The following MCOLN2 variants were observed in gnomAD, a reference collection of about 807,000 sequenced individuals.
The protein encoded by MCOLN2 is mucolipin TRP cation channel 2.
Under a neutral mutation model 67.5 loss-of-function variants are expected in MCOLN2, and 57 were observed. The ratio of observed to expected loss-of-function variants is 0.84; its 90% CI spans 0.68 to 1.05. The LOEUF (loss-of-function observed/expected upper bound fraction) is 1.05. Among genes scored for constraint, MCOLN2 ranks in the 50% least tolerant of loss-of-function variants. MCOLN2 has a pLI of 0.00. For missense variants in MCOLN2, 620 were observed against 678.8 expected (o/e 0.91, Z 0.96); for synonymous variants, 246 against 233.3 (o/e 1.05, Z -0.50).
At chr1:84,931,749 G>A (rs1212681012) in intron 11 of MCOLN2, among the ~76,000 whole-genome samples, 181 bp from the exon 12 acceptor site, 1 of 152,118 alleles carries the variant, frequency 6.6e-6, no homozygotes, top group African/African-American at 2.4e-5. Context: ...CTCTGGGCCA[G>A]GCACAGTGGC....
At chr1:84,991,495 G>A (rs1650889559) in intron 1 of MCOLN2, among the ~76,000 whole-genome samples, 1 of 152,152 alleles carries the variant, frequency 6.6e-6, no homozygotes, top group South Asian at 2.1e-4. Flanking sequence ...TGTCAATTAA[G>A]TGAAGTTGAG....
At chr1:84,953,603 C>A (rs960562190) in intron 4 of MCOLN2, among the ~76,000 whole-genome samples, 18 of 149,510 alleles carry the variant, frequency 1.2e-4, no homozygotes, top group African/African-American at 4.2e-4. Context: ...GAAGGCTATA[C>A]AGGAAATATT....
chr1:84,950,586 A>C (rs1261430785), intron 6 of MCOLN2, among the ~76,000 whole-genome samples: 1 of 152,198 alleles, frequency 6.6e-6, no homozygotes, highest in Non-Finnish European at 1.5e-5. Context: ...CTACCTTATG[A>C]AATTTAAATC....
chr1:84,944,183 T>G (rs1355285225), intron 7 of MCOLN2, among the ~76,000 whole-genome samples: 7 of 152,190 alleles, frequency 4.6e-5, no homozygotes, highest in African/African-American at 1.7e-4. Context: ...TATAGGATTC[T>G]GTTTTTCTTT....
chr1:84,965,938 C>T (rs569749810), intron 1 of MCOLN2, among the ~76,000 whole-genome samples: 1 of 152,288 alleles, frequency 6.6e-6, no homozygotes, highest in South Asian at 2.1e-4. Flanking sequence ...CCTTTCCACA[C>T]AGCCACCCAT....
rs1340179921 is a variant in MCOLN2 at position 84,994,733 on chromosome 1, T to A, written c.77+2063A>T. Among the ~76,000 whole-genome samples, 9 of 152,314 alleles carry A rather than the reference T, an allele frequency of 5.9e-5. No homozygotes were observed. In the East Asian group the frequency reaches 1.7e-3, roughly 29 times the overall value. ...ACAAAAACTTTCTCCATAACAGCAA[T>A]AAGGCTGTTTTGCTTCCTTATCATT... On this transcript the variant is annotated intron_variant, in intron 1 of 13. Transcript: ENST00000370608.
chr1:84,956,201 A>G (rs1430514435), intron 4 of MCOLN2, among the ~76,000 whole-genome samples: 1 of 151,964 alleles, frequency 6.6e-6, no homozygotes, highest in Non-Finnish European at 1.5e-5. Context: ...CCAAACCAAC[A>G]ATCTTGAGTT....
chr1:84,947,109 G>C lies in MCOLN2; in HGVS notation c.771C>G (p.His257Gln). 6.3e-7 allele frequency: 1 copy of C among 1,587,426 alleles called. No individual in the cohort carries two copies. Among genetic ancestry groups the C allele is most frequent in the African/African-American group, 1.3e-5 (1 of 74,368 alleles). ...CAAAATAGATTTTGATTTTGCCACT[G>C]TGAGCTTTATTGTCAAAGATAATCT... ...QNTIIFDNKA[H>Q]SGKIKIYFDS... The change falls in exon 7 of 14, where the codon CAC becomes CAG. Residue 257 changes from histidine to glutamine, a missense_variant. By Grantham distance (24) the His-to-Gln change is conservative (BLOSUM62 0). Coordinates refer to ENST00000370608, the MANE Select transcript of MCOLN2 (RefSeq NM_153259.4).
In MCOLN2 at chr1:84,952,342, G is replaced by C; in HGVS notation, c.651-3C>G. On this transcript the variant is annotated splice_polypyrimidine_tract_variant and splice_region_variant and intron_variant, in intron 5 of 13. Transcript: ENST00000370608. ...AGGAGATTTCAACCTGTAAGAGCCT[G>C]AATAAAATATATTGAAAGGTATAAA... 6.2e-7 allele frequency: 1 copy of C among 1,608,508 alleles called. No individual in the cohort carries two copies. The highest frequency in any genetic ancestry group is 8.5e-7 in the Non-Finnish European group (1 of 1,175,346).
At chr1:84,986,552 A>G (rs1650515307) in intron 1 of MCOLN2, among the ~76,000 whole-genome samples, 1 of 151,114 alleles carries the variant, frequency 6.6e-6, no homozygotes, top group Non-Finnish European at 1.5e-5. Context: ...TCAAAAAAAA[A>G]AAAAAAAAAG....
chr1:84,949,808 G>A (rs1234766603), intron 6 of MCOLN2, among the ~76,000 whole-genome samples: 1 of 151,730 alleles, frequency 6.6e-6, no homozygotes, highest in Non-Finnish European at 1.5e-5. Flanking sequence ...CAACAAAACT[G>A]TCAGTCAAGA....
intron 6 of MCOLN2, among the ~76,000 whole-genome samples, chr1:84,947,848 C>A (rs1207115823): frequency 6.6e-6 from 1 of 152,240 alleles, no homozygotes; most frequent in Non-Finnish European, 1.5e-5. Flanking sequence ...CACAAAGGTG[C>A]CTGCAACACC....
chr1:84,926,593 T>G lies in MCOLN2; in HGVS notation c.*92A>C. On this transcript the variant is annotated 3_prime_UTR_variant, in exon 14 of 14. Transcript: ENST00000370608. The stretch of plus-strand genomic sequence containing the variant: ...CCCACTCCACAATTAAATAAGAGAG[T>G]CATTTTGGAACTGCTTGTCCAAGTC... The G allele has an allele frequency of 2.3e-6, 2 of 861,034 alleles. No homozygotes were observed. Among genetic ancestry groups the G allele is most frequent in the Non-Finnish European group, 3.5e-6 (2 of 567,314 alleles). 53.3% of individuals were successfully genotyped at this position (861,034 alleles called of 1,614,324 possible).
intron 1 of MCOLN2, among the ~76,000 whole-genome samples, chr1:84,980,563 C>A (rs1439251553): frequency 1.3e-5 from 2 of 152,128 alleles, no homozygotes; most frequent in African/African-American, 2.4e-5. Flanking sequence ...GTGACAAGAA[C>A]ATAAACTGGG....
intron 6 of MCOLN2, among the ~76,000 whole-genome samples, chr1:84,947,766 G>C (rs571498801): frequency 6.6e-6 from 1 of 152,138 alleles, no homozygotes; most frequent in South Asian, 2.1e-4. Context: ...CTAACAGAGT[G>C]TGTTCTGCCC....
chr1:84,929,420 TG>T, intron 13 of MCOLN2, 137 bp downstream of exon 13: 1 of 981,046 alleles, frequency 1.0e-6, no homozygotes, highest in Non-Finnish European at 1.4e-6. Context: ...CCAATTTCAG[TG>T]GGAGGAAAGA....
chr1:84,980,231 G>A (rs1423604907), intron 1 of MCOLN2, among the ~76,000 whole-genome samples: 1 of 151,782 alleles, frequency 6.6e-6, no homozygotes, highest in Non-Finnish European at 1.5e-5. Flanking sequence ...GTGTTAAAAC[G>A]TCCACACTCC....
At chr1:84,948,170 C>T (rs1395632660) in intron 6 of MCOLN2, among the ~76,000 whole-genome samples, 1 of 152,252 alleles carries the variant, frequency 6.6e-6, no homozygotes, top group Non-Finnish European at 1.5e-5. Context: ...GCAGCAATTG[C>T]CCCTACCCAG....
chr1:84,994,972 T>G (rs1456413827), intron 1 of MCOLN2, among the ~76,000 whole-genome samples: 2 of 152,160 alleles, frequency 1.3e-5, no homozygotes, highest in Admixed American at 1.3e-4. Context: ...GGGTTATTAG[T>G]TGGGCTAATT....
Sources: allele counts gnomAD v4.1 joint callset (sites outside exome capture counted in the v4.1 genomes callset), GRCh38; gene constraint gnomAD v4.1.1; transcripts MANE v1.5; gene names NCBI Gene and HGNC (gene_info 2026-07-23, HGNC 2026-07-21).